BICD1: variants seen among roughly 807,000 people sequenced by gnomAD.
BICD1 encodes BICD cargo adaptor 1.
In BICD1, 35 loss-of-function variants were observed where a neutral mutation model predicts 92.5. That is an observed-to-expected ratio of 0.38 (90% CI 0.29 to 0.50). The LOEUF is 0.50. Ranked by LOEUF, BICD1 falls within the 20% of genes least tolerant of loss-of-function variation. The probability of loss-of-function intolerance (pLI) is 0.93; values close to 1 mark genes in which losing one functional copy is unlikely to be tolerated. For synonymous variants in BICD1, 429 were observed against 465.1 expected, an observed-to-expected ratio of 0.92 and a Z score of 1.00; for missense variants, 950 against 1,189.8, an observed-to-expected ratio of 0.80 and a Z score of 2.97.
chr12:32,156,373 C>T (rs1029233790), intron 1 of BICD1, among the ~76,000 whole-genome samples: 16 of 152,278 alleles, frequency 1.1e-4, no homozygotes, highest in South Asian at 6.2e-4. Flanking sequence ...CTCTGCTCCT[C>T]AGCATAGCTC....
chr12:32,307,699 C>T lies in BICD1; in HGVS notation c.1005+1577C>T, dbSNP rs560807793. 7.9e-5 allele frequency among the ~76,000 whole-genome samples: 12 copies of T among 152,258 alleles called. No individual in the cohort carries two copies. In the South Asian group the frequency reaches 2.5e-3, roughly 32 times the overall value. On this transcript the variant is annotated intron_variant, in intron 4 of 9. Coordinates refer to ENST00000652176, the MANE Select transcript of BICD1 (RefSeq NM_001714.4). ...CAGAAATAAGTAAGAGAACAGAGAGCCAATGATGTTGATTTGTTAACAGGT... is the reference window on the plus strand; with the variant it reads ...CAGAAATAAGTAAGAGAACAGAGAGTCAATGATGTTGATTTGTTAACAGGT...
intron 2 of BICD1, among the ~76,000 whole-genome samples, chr12:32,257,590 A>C (rs147769964): frequency 0.011 from 1,623 of 152,282 alleles, 20 homozygotes; most frequent in African/African-American, 0.027. Flanking sequence ...TTATCTAGTA[A>C]AGCTAAAGAT....
At chr12:32,124,730 A>G (rs1614628) in intron 1 of BICD1, among the ~76,000 whole-genome samples, 43,908 of 151,914 alleles carry the variant, frequency 0.29, 6,569 homozygotes, top group Admixed American at 0.43. Flanking sequence ...TCATTCAGGA[A>G]GATGAAACAG....
intron 8 of BICD1, among the ~76,000 whole-genome samples, chr12:32,342,077 C>A (rs373815015): frequency 2.9e-4 from 44 of 149,604 alleles, no homozygotes; most frequent in East Asian, 2.7e-3. Context: ...GGAAAATTCT[C>A]TATTAATGTA....
At chr12:32,246,276 G>C in intron 2 of BICD1, among the ~76,000 whole-genome samples, 1 of 130,112 alleles carries the variant, frequency 7.7e-6, no homozygotes, top group African/African-American at 2.7e-5. Flanking sequence ...GGGAGTTTGA[G>C]AACAGCCTGG....
chr12:32,325,620 T>C (rs1328812493), intron 4 of BICD1, among the ~76,000 whole-genome samples: 2 of 152,194 alleles, frequency 1.3e-5, no homozygotes, highest in Non-Finnish European at 2.9e-5. Flanking sequence ...CTATTATACA[T>C]TTACATATAC....
At chr12:32,255,490 C>A (rs1307199220) in intron 2 of BICD1, among the ~76,000 whole-genome samples, 1 of 152,176 alleles carries the variant, frequency 6.6e-6, no homozygotes, top group Non-Finnish European at 1.5e-5. Flanking sequence ...TAAAAATGCT[C>A]ATTTATTCTA....
intron 5 of BICD1, chr12:32,332,917 A>G (rs1346288210): frequency 1.0e-6 from 1 of 985,326 alleles, no homozygotes; most frequent in African/African-American, 1.7e-5. Context: ...GTGAAAGCAG[A>G]AATCAGCAAA....
At chr12:32,114,820 T>A (rs1483043471) in intron 1 of BICD1, among the ~76,000 whole-genome samples, 2 of 152,214 alleles carry the variant, frequency 1.3e-5, no homozygotes, top group East Asian at 3.8e-4. Flanking sequence ...AAATAAACGA[T>A]GGGCAAAAAA....
At chr12:32,334,464 T>C (rs1481901548) in intron 5 of BICD1, 52 bp from the exon 6 acceptor site, 2 of 1,540,582 alleles carry the variant, frequency 1.3e-6, no homozygotes, top group Non-Finnish European at 1.7e-6. Flanking sequence ...GCAATCTGTA[T>C]GATGGATTTT....
chr12:32,236,872 C>CTTTTTTTTTT (rs57318640), intron 2 of BICD1, among the ~76,000 whole-genome samples: 3 of 89,300 alleles, frequency 3.4e-5, no homozygotes, highest in African/African-American at 4.7e-5. Flanking sequence ...AAGTCTAATT[C>CTTTTTTTTTT]TTTTTTTTTT....
chr12:32,377,135 A>G (rs1455984326), intron 9 of BICD1, among the ~76,000 whole-genome samples: 1 of 152,140 alleles, frequency 6.6e-6, no homozygotes. Context: ...TGCCCTTTAT[A>G]CTGAGCTCCC....
intron 4 of BICD1, among the ~76,000 whole-genome samples, chr12:32,323,844 C>T (rs1233590992): frequency 2.0e-5 from 3 of 152,062 alleles, no homozygotes; most frequent in South Asian, 4.1e-4. Context: ...GGGAAATTTA[C>T]AATTGTTTTG....
At chr12:32,342,471 G>A (rs1413398009) in intron 8 of BICD1, among the ~76,000 whole-genome samples, 3 of 151,618 alleles carry the variant, frequency 2.0e-5, no homozygotes, top group Non-Finnish European at 2.9e-5. Flanking sequence ...AGCCAGGATG[G>A]TCTCAATCTC....
intron 1 of BICD1, among the ~76,000 whole-genome samples, chr12:32,141,888 T>G (rs1303938035): frequency 6.6e-6 from 1 of 152,224 alleles, no homozygotes; most frequent in Non-Finnish European, 1.5e-5. Context: ...TTGTTTCATT[T>G]GTTTTTGTTT....
chr12:32,362,508 ATTAT>A (rs1939369205), intron 8 of BICD1, among the ~76,000 whole-genome samples: 1 of 152,196 alleles, frequency 6.6e-6, no homozygotes, highest in Non-Finnish European at 1.5e-5. Flanking sequence ...TAAAAACAAT[ATTAT>A]CTTCATTCCT....
intron 1 of BICD1, among the ~76,000 whole-genome samples, chr12:32,133,119 G>A (rs757501223): frequency 7.9e-5 from 12 of 152,070 alleles, no homozygotes; most frequent in East Asian, 1.9e-4. Flanking sequence ...TTTAGGAGAC[G>A]AAATATTTGC....
At position 32,305,716 on chromosome 12, in the gene BICD1, A is replaced by T; in HGVS notation, c.599A>T (p.Lys200Met). 6.2e-7 allele frequency: 1 copy of T among 1,612,312 alleles called. No homozygotes were observed. Among genetic ancestry groups the T allele is most frequent in the Non-Finnish European group, 8.5e-7 (1 of 1,179,332 alleles). Residue 200 changes from lysine (K) to methionine (M), a missense_variant, in exon 4 of 10, where the codon AAG becomes ATG. Transcript: ENST00000652176. Reference sequence around the variant, plus strand: ...ATTCAGGTTGAATACGAAGGCTTAAAGCATGAGATTAAGCGATTTGAGGAG... The same window carrying T: ...ATTCAGGTTGAATACGAAGGCTTAATGCATGAGATTAAGCGATTTGAGGAG... Reference protein sequence around the residue: ...KQNQVEYEGLKHEIKRFEEET... With the variant: ...KQNQVEYEGLMHEIKRFEEET...
At chr12:32,355,339 G>T (rs1361268823) in intron 8 of BICD1, among the ~76,000 whole-genome samples, 1 of 152,162 alleles carries the variant, frequency 6.6e-6, no homozygotes. Context: ...ATAAATCCAA[G>T]GATTTTTTTT....
Sources: gnomAD v4.1 joint callset for allele counts (sites outside exome capture counted in the v4.1 genomes callset) on GRCh38, gnomAD v4.1.1 for gene constraint, MANE v1.5 for transcripts, NCBI Gene and HGNC (gene_info 2026-07-23, HGNC 2026-07-21) for gene names.